KIAA0040: variants seen among roughly 807,000 people sequenced by gnomAD.
The protein encoded by KIAA0040 is KIAA0040.
KIAA0040 carries 10 observed loss-of-function variants against 7.2 expected under a neutral mutation model. The ratio of observed to expected loss-of-function variants is 1.38; its 90% CI spans 0.85 to 2.34. KIAA0040 has a LOEUF of 2.34. Among genes scored for constraint, KIAA0040 ranks in the 30% most tolerant of loss-of-function variants. KIAA0040 has a pLI of 0.00. For synonymous variants in KIAA0040, 49 were observed against 40.1 expected, an observed-to-expected ratio of 1.22 and a Z score of -0.84; for missense variants, 89 against 108.2, an observed-to-expected ratio of 0.82 and a Z score of 0.79.
At chr1:175,164,814 C>T (rs1278120344) in intron 3 of KIAA0040, among the ~76,000 whole-genome samples, 1 of 142,868 alleles carries the variant, frequency 7.0e-6, no homozygotes, top group Non-Finnish European at 1.5e-5. Flanking sequence ...ATGAGTCTTG[C>T]ATTATTAGCA....
At chr1:175,184,677 C>G (rs1677585660) in intron 1 of KIAA0040, among the ~76,000 whole-genome samples, 1 of 152,134 alleles carries the variant, frequency 6.6e-6, no homozygotes, top group Non-Finnish European at 1.5e-5. Flanking sequence ...ACTGGAAATG[C>G]AATGATGGAA....
At chr1:175,177,809 T>A (rs2101898095) in intron 1 of KIAA0040, 125 bp from the exon 2 acceptor site, 1 of 152,368 alleles carries the variant, frequency 6.6e-6, no homozygotes, top group South Asian at 2.1e-4. Flanking sequence ...ACTGATCACA[T>A]GCATACACTT....
Position 175,178,361 on chromosome 1 carries a change from A to G in KIAA0040, c.-383-677T>C, listed in dbSNP as rs59569527. On this transcript the variant is annotated intron_variant, in intron 1 of 3. Transcript: ENST00000423313. ...CTTTTCTTGGCCTCTGGGGCTGGGA[A>G]GAGCTTTGTATAAAATGTGTGTGAG... is the stretch of plus-strand genomic sequence containing the variant. 7.3e-3 allele frequency among the ~76,000 whole-genome samples: 1,106 copies of G among 152,312 alleles called. 22 individuals are homozygous for G. The highest frequency in any genetic ancestry group is 0.025 in the African/African-American group (1,058 of 41,578).
chr1:175,179,084 A>G (rs539387607), intron 1 of KIAA0040, among the ~76,000 whole-genome samples: 1 of 152,166 alleles, frequency 6.6e-6, no homozygotes, highest in South Asian at 2.1e-4. Flanking sequence ...GGTGAGCTAC[A>G]TAGGTTGGAA....
intron 1 of KIAA0040, among the ~76,000 whole-genome samples, chr1:175,187,690 T>G (rs1677714993): frequency 6.6e-6 from 1 of 152,024 alleles, no homozygotes; most frequent in Non-Finnish European, 1.5e-5. Flanking sequence ...TCATGGGTCT[T>G]CCCTGTTCCC....
chr1:175,179,412 A>C (rs1279345668), intron 1 of KIAA0040, among the ~76,000 whole-genome samples: 2 of 152,186 alleles, frequency 1.3e-5, no homozygotes, highest in African/African-American at 4.8e-5. Context: ...CTCACTGGTA[A>C]TCTGCCCCAA....
At chr1:175,168,628 T>G (rs1019685007) in intron 2 of KIAA0040, among the ~76,000 whole-genome samples, 2 of 152,090 alleles carry the variant, frequency 1.3e-5, no homozygotes, top group African/African-American at 4.8e-5. Context: ...TTACCTTACT[T>G]TATTGATGGG....
intron 1 of KIAA0040, among the ~76,000 whole-genome samples, chr1:175,185,409 CT>C (rs1558401584): frequency 2.0e-5 from 3 of 152,160 alleles, no homozygotes; most frequent in Admixed American, 1.3e-4. Context: ...CAAGAAGGGG[CT>C]TTAGTTTACC....
At chr1:175,164,508 C>T (rs200472562) in intron 3 of KIAA0040, among the ~76,000 whole-genome samples, 1 of 152,222 alleles carries the variant, frequency 6.6e-6, no homozygotes, top group Admixed American at 6.5e-5. Context: ...CCCTCCCACC[C>T]CTCCCAACCT....
In KIAA0040 at chr1:175,157,089, A is replaced by G. The variant is rs1676299686; in HGVS notation, c.*3625T>C. Reference sequence around the variant, plus strand: ...CATATTGAACAGTGTACACACACTTACACACACACATACACACAGTTTTTG... The same window carrying G: ...CATATTGAACAGTGTACACACACTTGCACACACACATACACACAGTTTTTG... On this transcript the variant is annotated 3_prime_UTR_variant, in exon 4 of 4. Coordinates refer to ENST00000423313, the MANE Select transcript of KIAA0040 (RefSeq NM_014656.3). 6.6e-6 allele frequency: 1 copy of G among 152,088 alleles called. No homozygotes were observed. The highest frequency in any genetic ancestry group is 1.5e-5 in the Non-Finnish European group (1 of 68,010). 9.4% of individuals were successfully genotyped at this position (152,088 alleles called of 1,614,324 possible). A position where few individuals can be genotyped will look rare whatever the true frequency, so the allele number is the denominator to read the frequency against.
chr1:175,184,610 C>A (rs1185943866), intron 1 of KIAA0040, among the ~76,000 whole-genome samples: 1 of 152,200 alleles, frequency 6.6e-6, no homozygotes, highest in African/African-American at 2.4e-5. Flanking sequence ...TCTACAGAAG[C>A]ACACATGTTT....
intron 3 of KIAA0040, 90 bp from the exon 4 acceptor site, chr1:175,161,236 G>A: frequency 2.2e-6 from 1 of 446,156 alleles, no homozygotes; most frequent in South Asian, 3.8e-5. Context: ...CTTAGGAAAG[G>A]GGAAGGAATT....
intron 1 of KIAA0040, among the ~76,000 whole-genome samples, chr1:175,187,722 G>C (rs141743647): frequency 1.4e-5 from 2 of 144,564 alleles, no homozygotes; most frequent in Non-Finnish European, 3.1e-5. Context: ...CCCTTCCCCT[G>C]CCCTTGACCC....
intron 2 of KIAA0040, among the ~76,000 whole-genome samples, chr1:175,167,631 C>T (rs953915556): frequency 6.6e-5 from 10 of 152,074 alleles, no homozygotes; most frequent in South Asian, 2.1e-4. Context: ...CTCTCTCTGA[C>T]GTGTGAGAGG....
intron 3 of KIAA0040, among the ~76,000 whole-genome samples, chr1:175,165,864 G>C (rs1298417036): frequency 5.9e-5 from 9 of 152,088 alleles, no homozygotes; most frequent in Admixed American, 5.2e-4. Flanking sequence ...TCCAAGAAGG[G>C]AGCAGGGCGT....
At chr1:175,186,272 GCA>G (rs1202357573) in intron 1 of KIAA0040, among the ~76,000 whole-genome samples, 1 of 152,136 alleles carries the variant, frequency 6.6e-6, no homozygotes, top group Non-Finnish European at 1.5e-5. Context: ...GAAAAGAATG[GCA>G]GAGTTTCCCT....
intron 2 of KIAA0040, among the ~76,000 whole-genome samples, chr1:175,168,986 A>G (rs955470181): frequency 6.6e-6 from 1 of 152,162 alleles, no homozygotes; most frequent in Non-Finnish European, 1.5e-5. Context: ...AGCCCTGGGG[A>G]TGGCAGAGAT....
chr1:175,180,707 C>T (rs532574402), intron 1 of KIAA0040, among the ~76,000 whole-genome samples: 32 of 152,296 alleles, frequency 2.1e-4, no homozygotes, highest in African/African-American at 7.5e-4. Context: ...GGCTCGACTT[C>T]CAAGGAACAC....
chr1:175,177,099 AG>A (rs1161298239), intron 2 of KIAA0040, among the ~76,000 whole-genome samples: 1 of 152,032 alleles, frequency 6.6e-6, no homozygotes, highest in Non-Finnish European at 1.5e-5. Flanking sequence ...ACTGGGAGGT[AG>A]GGGGGATGGT....
Sources: gnomAD v4.1 joint callset for allele counts (sites outside exome capture counted in the v4.1 genomes callset) on GRCh38, gnomAD v4.1.1 for gene constraint, MANE v1.5 for transcripts, NCBI Gene and HGNC (gene_info 2026-07-23, HGNC 2026-07-21) for gene names.